CAMKMT: variants seen among roughly 807,000 people sequenced by gnomAD.
The protein encoded by CAMKMT is calmodulin-lysine N-methyltransferase, also known as CaM KMT.
A neutral mutation model predicts 48.0 loss-of-function variants in CAMKMT; 53 were observed. The observed-to-expected ratio is 1.10, with a 90% confidence interval of 0.89 to 1.39. CAMKMT has a LOEUF of 1.39. Among genes scored for constraint, CAMKMT ranks in the 40% most tolerant of loss-of-function variants. The probability of loss-of-function intolerance (pLI) is 0.00; values close to 1 mark genes in which losing one functional copy is unlikely to be tolerated. For missense variants in CAMKMT, 428 were observed against 402.7 expected (o/e 1.06, Z -0.54); for synonymous variants, 165 against 152.3 (o/e 1.08, Z -0.61).
intron 3 of CAMKMT, among the ~76,000 whole-genome samples, chr2:44,488,303 C>G (rs554335693): frequency 3.4e-4 from 51 of 152,178 alleles, no homozygotes; most frequent in African/African-American, 1.2e-3. Flanking sequence ...GTTCGAGACA[C>G]CAGCCTGACC....
At chr2:44,756,003 CCT>C (rs1438555208) in intron 9 of CAMKMT, among the ~76,000 whole-genome samples, 1 of 152,192 alleles carries the variant, frequency 6.6e-6, no homozygotes, top group Non-Finnish European at 1.5e-5. Flanking sequence ...GGTATTCTAG[CCT>C]AAAGTGTAAG....
chr2:44,532,148 G>A (rs144509039), intron 3 of CAMKMT, among the ~76,000 whole-genome samples: 3 of 152,138 alleles, frequency 2.0e-5, no homozygotes, highest in African/African-American at 4.8e-5. Flanking sequence ...TAATCTAGTC[G>A]TTATTAAAAT....
At chr2:44,736,928 C>T (rs184192969) in intron 7 of CAMKMT, among the ~76,000 whole-genome samples, 1 of 152,232 alleles carries the variant, frequency 6.6e-6, no homozygotes, top group East Asian at 1.9e-4. Context: ...TATTGTAATG[C>T]CCGTGTCTGC....
intron 8 of CAMKMT, among the ~76,000 whole-genome samples, chr2:44,747,210 A>G (rs572044645): frequency 3.9e-5 from 6 of 152,162 alleles, no homozygotes; most frequent in Non-Finnish European, 7.3e-5. Flanking sequence ...TATATACTCT[A>G]AATTGTTTCT....
rs189324956 is a variant in CAMKMT, at chr2:44,394,578, C to G, written c.376+4273C>G. 6.2e-3 allele frequency among the ~76,000 whole-genome samples: 937 copies of G among 152,180 alleles called. 5 individuals carry two copies. The highest frequency in any genetic ancestry group is 0.011 in the Non-Finnish European group (724 of 68,008). ...GAGTAGCTGGGATTACAGGCGCCTGCTACTATGTCCAGCTAATTTTTGTCT... is the reference window on the plus strand; with the variant it reads ...GAGTAGCTGGGATTACAGGCGCCTGGTACTATGTCCAGCTAATTTTTGTCT... On this transcript the variant is annotated intron_variant, in intron 3 of 10. Transcript: ENST00000378494.
At chr2:44,385,580 T>C (rs931442176) in intron 2 of CAMKMT, among the ~76,000 whole-genome samples, 44 of 151,792 alleles carry the variant, frequency 2.9e-4, no homozygotes, top group African/African-American at 1.0e-3. Context: ...TTTCAGCTTT[T>C]CCCCATTCAG....
rs941215615 is a variant in CAMKMT, at chr2:44,460,314, G to C, written c.376+70009G>C. 3.3e-5 allele frequency among the ~76,000 whole-genome samples: 5 copies of C among 152,248 alleles called. No individual in the cohort carries two copies. In the East Asian group the frequency reaches 9.6e-4, roughly 29 times the overall value. On this transcript the variant is annotated intron_variant, in intron 3 of 10. Coordinates refer to ENST00000378494, the MANE Select transcript of CAMKMT (RefSeq NM_024766.5). The stretch of plus-strand genomic sequence containing the variant: ...TCAAAATAAAAGAGTATATTTGAAA[G>C]ATTCTCTGTGTTATTTCTTTGGAAT...
At chr2:44,643,567 T>A (rs4953126) in intron 3 of CAMKMT, among the ~76,000 whole-genome samples, 90,684 of 151,968 alleles carry the variant, frequency 0.6, 27,947 homozygotes, top group Admixed American at 0.68. Flanking sequence ...AAATTGTTTT[T>A]AAAATTTTAA....
intron 3 of CAMKMT, among the ~76,000 whole-genome samples, chr2:44,671,594 C>G (rs986312084): frequency 1.3e-5 from 2 of 152,160 alleles, no homozygotes; most frequent in Non-Finnish European, 2.9e-5. Context: ...GTGGCCACCC[C>G]AAATGTCCTT....
At chr2:44,502,348 C>T (rs1670049448) in intron 3 of CAMKMT, among the ~76,000 whole-genome samples, 1 of 152,166 alleles carries the variant, frequency 6.6e-6, no homozygotes, top group African/African-American at 2.4e-5. Context: ...TGATTAGTAT[C>T]CTTGTCTCTG....
chr2:44,469,329 T>A lies in CAMKMT; in HGVS notation c.376+79024T>A, dbSNP rs141232537. 7.3e-3 allele frequency among the ~76,000 whole-genome samples: 1,065 copies of A among 145,808 alleles called. 9 individuals are homozygous for A. Among genetic ancestry groups the A allele is most frequent in the Non-Finnish European group, 1.0e-2 (667 of 66,906 alleles). The stretch of plus-strand genomic sequence containing the variant: ...CATTGAGTGTCTTAATCTATTTGGC[T>A]GTTGAATCTTATTAAACCTGATTTT... On this transcript the variant is annotated intron_variant, in intron 3 of 10. Transcript: ENST00000378494.
chr2:44,678,406 T>C (rs1468824776), intron 3 of CAMKMT, among the ~76,000 whole-genome samples: 5 of 152,190 alleles, frequency 3.3e-5, no homozygotes, highest in Admixed American at 1.3e-4. Context: ...CCTGAGATCA[T>C]GAGGCTGCTT....
At chr2:44,526,822 A>T (rs1000217738) in intron 3 of CAMKMT, among the ~76,000 whole-genome samples, 1 of 152,160 alleles carries the variant, frequency 6.6e-6, no homozygotes, top group South Asian at 2.1e-4. Context: ...GTTTATGCAT[A>T]AAATTAACTA....
chr2:44,727,221 T>C (rs576590632), intron 7 of CAMKMT, among the ~76,000 whole-genome samples: 3 of 152,354 alleles, frequency 2.0e-5, no homozygotes, highest in Non-Finnish European at 4.4e-5. Context: ...GTATGGCCAT[T>C]TTTACAACAT....
At chr2:44,595,958 G>A (rs540108003) in intron 3 of CAMKMT, among the ~76,000 whole-genome samples, 2 of 151,738 alleles carry the variant, frequency 1.3e-5, no homozygotes, top group Non-Finnish European at 2.9e-5. Context: ...CATGGGGCTG[G>A]GGGGGCATCA....
intron 2 of CAMKMT, among the ~76,000 whole-genome samples, chr2:44,376,398 T>G (rs1679696945): frequency 6.8e-6 from 1 of 146,408 alleles, no homozygotes; most frequent in Non-Finnish European, 1.5e-5. Context: ...TCCAGCCTGG[T>G]GACGAAGTGA....
intron 9 of CAMKMT, among the ~76,000 whole-genome samples, chr2:44,757,290 G>C (rs569542187): frequency 2.6e-5 from 4 of 152,300 alleles, no homozygotes; most frequent in African/African-American, 7.2e-5. Flanking sequence ...CCCCAAAGAG[G>C]GAAAATGAGG....
intron 3 of CAMKMT, among the ~76,000 whole-genome samples, chr2:44,576,855 C>A (rs1165052980): frequency 6.6e-6 from 1 of 152,182 alleles, no homozygotes; most frequent in African/African-American, 2.4e-5. Context: ...CCCATGGCTT[C>A]AACACTAATC....
chr2:44,740,261 T>TGA (rs966416251), intron 7 of CAMKMT, among the ~76,000 whole-genome samples: 30 of 151,936 alleles, frequency 2.0e-4, no homozygotes, highest in Non-Finnish European at 4.0e-4. Context: ...CCGGAGTGGC[T>TGA]GAGACCACAG....
Sources: allele counts gnomAD v4.1 joint callset (sites outside exome capture counted in the v4.1 genomes callset), GRCh38; gene constraint gnomAD v4.1.1; transcripts MANE v1.5; gene names NCBI Gene and HGNC (gene_info 2026-07-23, HGNC 2026-07-21).